The following AOPEP variants were observed in gnomAD, a reference collection of about 807,000 sequenced individuals.
The protein encoded by AOPEP is aminopeptidase O (putative).
Under a neutral mutation model 98.1 loss-of-function variants are expected in AOPEP, and 77 were observed. The observed-to-expected ratio is 0.78, with a 90% CI of 0.65 to 0.95. AOPEP has a LOEUF of 0.95. Ranked by LOEUF, AOPEP falls within the 40% of genes least tolerant of loss-of-function variation. The probability of loss-of-function intolerance (pLI) is 0.00; values close to 1 mark genes in which losing one functional copy is unlikely to be tolerated. For missense variants in AOPEP, 1,024 were observed against 1,024.7 expected, an observed-to-expected ratio of 1.00 and a Z score of 0.01; for synonymous variants, 346 against 365.3, an observed-to-expected ratio of 0.95 and a Z score of 0.60.
intron 5 of AOPEP, among the ~76,000 whole-genome samples, chr9:94,819,730 C>T (rs139965936): frequency 0.056 from 8,531 of 151,798 alleles, 357 homozygotes; most frequent in South Asian, 0.11. Flanking sequence ...GCCACCATGC[C>T]TGGCTAAATT....
At chr9:95,052,044 T>A (rs1253436085) in intron 13 of AOPEP, among the ~76,000 whole-genome samples, 1 of 152,242 alleles carries the variant, frequency 6.6e-6, no homozygotes, top group African/African-American at 2.4e-5. Context: ...TTTTTAGATA[T>A]GTTCTAGTTG....
chr9:94,758,071 A>G (rs1316873665), intron 1 of AOPEP, among the ~76,000 whole-genome samples: 1 of 152,256 alleles, frequency 6.6e-6, no homozygotes, highest in Non-Finnish European at 1.5e-5. Context: ...AAAGTGTGCT[A>G]CATATAGTTC....
In AOPEP at chr9:94,760,712, CCTT is replaced by C; in HGVS notation, c.797+133_797+135del. The C allele has an allele frequency of 7.4e-6, 5 of 672,766 alleles. No individual in the cohort carries two copies. The South Asian group carries it at 1.4e-4, about 19-fold the overall frequency. 41.7% of individuals were successfully genotyped at this position (672,766 alleles called of 1,614,324 possible). On this transcript the variant is annotated intron_variant, in intron 2 of 16. Transcript: ENST00000375315. ...TGACATTACCCAAGTAGCCTCAAAT[CCTT>C]AGACCTACAGTGAAGCAGGTAAATT...
At chr9:94,878,654 A>G (rs1427187230) in intron 5 of AOPEP, among the ~76,000 whole-genome samples, 1 of 152,190 alleles carries the variant, frequency 6.6e-6, no homozygotes, top group Non-Finnish European at 1.5e-5. Context: ...TGACTATTTC[A>G]TAAGGGGCCA....
At chr9:94,969,798 T>A (rs937204954) in intron 10 of AOPEP, among the ~76,000 whole-genome samples, 1 of 152,214 alleles carries the variant, frequency 6.6e-6, no homozygotes, top group Non-Finnish European at 1.5e-5. Flanking sequence ...TTAACATTGC[T>A]TGCCTCATTT....
chr9:94,969,759 T>C (rs897374584), intron 10 of AOPEP, among the ~76,000 whole-genome samples: 1 of 152,240 alleles, frequency 6.6e-6, no homozygotes, highest in African/African-American at 2.4e-5. Flanking sequence ...GGAGGCATCT[T>C]GAGAAATTAA....
At chr9:95,099,431 C>T in the AOPEP span, 2 of 226,548 alleles carry the variant, frequency 8.8e-6, no homozygotes, top group South Asian at 1.9e-4. Context: ...CCCTCGGCCA[C>T]GCCGCGTCCC....
chr9:95,052,987 T>C (rs1394617654), intron 13 of AOPEP, among the ~76,000 whole-genome samples: 1 of 152,204 alleles, frequency 6.6e-6, no homozygotes, highest in Non-Finnish European at 1.5e-5. Context: ...GGTTTCTCGG[T>C]GCACACTTAG....
rs11423201 is a variant in AOPEP at position 94,819,946 on chromosome 9, C to CTTTTTT, written c.1364+18956_1364+18961dup. On this transcript the variant is annotated intron_variant, in intron 5 of 16. Transcript: ENST00000375315. The stretch of plus-strand genomic sequence containing the variant: ...AATAATAAGTTTCTTTAGTGCAATT[C>CTTTTTT]TTTTTTTTTTTTTTTTTGAGATGGA... 6.0e-3 allele frequency among the ~76,000 whole-genome samples: 725 copies of CTTTTTT among 121,550 alleles called. 29 individuals are homozygous for CTTTTTT. The highest frequency in any genetic ancestry group is 9.0e-3 in the Non-Finnish European group (548 of 61,032). 79.7% of individuals were successfully genotyped at this position (121,550 alleles called of 152,430 possible). A position where few individuals can be genotyped will look rare whatever the true frequency, so the allele number is the denominator to read the frequency against.
At chr9:94,919,753 G>C (rs1365831709) in intron 5 of AOPEP, among the ~76,000 whole-genome samples, 1 of 151,982 alleles carries the variant, frequency 6.6e-6, no homozygotes, top group African/African-American at 2.4e-5. Flanking sequence ...GTTTAAATTA[G>C]CAAGTAATGA....
At chr9:94,860,828 G>A (rs928947494) in intron 5 of AOPEP, among the ~76,000 whole-genome samples, 3 of 152,136 alleles carry the variant, frequency 2.0e-5, no homozygotes, top group African/African-American at 7.2e-5. Context: ...CTGACACAGA[G>A]CACACCATAA....
intron 13 of AOPEP, among the ~76,000 whole-genome samples, chr9:95,033,630 C>G (rs2064521371): frequency 6.6e-6 from 1 of 152,112 alleles, no homozygotes; most frequent in Non-Finnish European, 1.5e-5. Flanking sequence ...TTATATGACG[C>G]TATAATTAAT....
rs532357017 is a variant in AOPEP at position 94,777,097 on chromosome 9, T to G, written c.964+3929T>G. Among the ~76,000 whole-genome samples the G allele has an allele frequency of 6.8e-4, 103 of 152,198 alleles. No individual in the cohort carries two copies. The Middle Eastern group carries it at 0.027, about 40-fold the overall frequency. On this transcript the variant is annotated intron_variant, in intron 3 of 16. Transcript: ENST00000375315. ...AAGTATAACATTCTTGAAGGAAAAT[T>G]TTTTAAAATGAATGATTGACATTCA... is the stretch of plus-strand genomic sequence containing the variant.
chr9:95,072,090 GTGTA>G lies in AOPEP; in HGVS notation c.2233-8600_2233-8597del, dbSNP rs1564603420. ...GGGGGATGAACACCAGTACACCACT[GTGTA>G]TGTTGTGCTCTGGGAGCCATAGCTT... On this transcript the variant is annotated intron_variant, in intron 14 of 16. Transcript: ENST00000375315. Among the ~76,000 whole-genome samples the G allele has an allele frequency of 2.0e-5, 3 of 152,338 alleles. No individual in the cohort carries two copies. In the East Asian group the frequency reaches 5.8e-4, roughly 29 times the overall value.
chr9:95,115,771 C>G, the AOPEP span, among the ~76,000 whole-genome samples: 1 of 152,174 alleles, frequency 6.6e-6, no homozygotes, highest in Non-Finnish European at 1.5e-5. Flanking sequence ...TGGTGCACAG[C>G]CTTTTGAAGG....
Position 94,760,439 on chromosome 9 carries a change from T to A in AOPEP, c.656T>A (p.Leu219His). ...CAGGCTCCTGGCTGTGGGGAACTCC[T>A]CTTTGACACTGACACTTGGAGCTTG... ...CSQAPGCGEL[L>H]FDTDTWSLQI... Residue 219 changes from leucine (L) to histidine (H), a missense_variant, in exon 2 of 17, where the codon CTC becomes CAC. By Grantham distance (99) the Leu-to-His change is moderately conservative (BLOSUM62 -3). This residue lies in a region of AOPEP where 440 missense variants were observed against 433.8 expected (regional missense o/e 1.01). Transcript: ENST00000375315. 6.2e-7 allele frequency: 1 copy of A among 1,613,910 alleles called. No homozygotes were observed. Among genetic ancestry groups the A allele is most frequent in the African/African-American group, 1.3e-5 (1 of 75,028 alleles).
intron 13 of AOPEP, among the ~76,000 whole-genome samples, chr9:95,036,423 C>T (rs2064820578): frequency 6.6e-6 from 1 of 152,138 alleles, no homozygotes; most frequent in South Asian, 2.1e-4. Context: ...AGTAGTTGCC[C>T]TTTAAATGAC....
intron 3 of AOPEP, among the ~76,000 whole-genome samples, chr9:94,785,597 C>T (rs1163333145): frequency 6.6e-6 from 1 of 152,218 alleles, no homozygotes; most frequent in African/African-American, 2.4e-5. Context: ...TTAAGGAGTG[C>T]TGTTTCCTCT....
intron 5 of AOPEP, among the ~76,000 whole-genome samples, chr9:94,881,409 A>G (rs1047699631): frequency 6.6e-6 from 1 of 152,150 alleles, no homozygotes; most frequent in Admixed American, 6.5e-5. Context: ...CTCGGGGAAA[A>G]GAATTTCTTG....
Sources: gnomAD v4.1 joint callset for allele counts (sites outside exome capture counted in the v4.1 genomes callset) on GRCh38, gnomAD v4.1.1 for gene constraint, gnomAD v4.1.1 regional missense constraint, MANE v1.5 for transcripts, NCBI Gene and HGNC (gene_info 2026-07-23, HGNC 2026-07-21) for gene names.